Variants in CLASRP observed in about 807,000 individuals in gnomAD.
The protein encoded by CLASRP is CLK4 associating serine/arginine rich protein.
In CLASRP, 52 loss-of-function variants were observed where a neutral mutation model predicts 99.9. That is an observed-to-expected ratio of 0.52 (90% CI 0.42 to 0.66). The LOEUF (loss-of-function observed/expected upper bound fraction) is 0.66, where lower values mean the gene tolerates loss of function less well. Among genes scored for constraint, CLASRP ranks in the 30% least tolerant of loss-of-function variants. The pLI is 0.00. For missense variants in CLASRP, 848 were observed against 999.2 expected, an observed-to-expected ratio of 0.85 and a Z score of 2.04; for synonymous variants, 379 against 373.0, an observed-to-expected ratio of 1.02 and a Z score of -0.18.
At position 45,060,532 on chromosome 19, in the gene CLASRP, C is replaced by A; in HGVS notation, c.790-22C>A. The A allele has an allele frequency of 6.2e-7, 1 of 1,613,726 alleles. No individual in the cohort carries two copies. The highest frequency in any genetic ancestry group is 8.5e-7 in the Non-Finnish European group (1 of 1,179,744). On this transcript the variant is annotated intron_variant, in intron 9 of 20. Coordinates refer to ENST00000221455, the MANE Select transcript of CLASRP (RefSeq NM_007056.3). This position sits in a 1 kb window ranked among gnomAD's most constrained non-coding sequence, Gnocchi z 4.6. ...CACAGGGAGGGCACCCCCTCACCAACCTGGCACCCACCCTACTCCAGGGAC... is the reference window on the plus strand; with the variant it reads ...CACAGGGAGGGCACCCCCTCACCAAACTGGCACCCACCCTACTCCAGGGAC...
chr19:45,066,512 A>T (rs1967090147), intron 13 of CLASRP, among the ~76,000 whole-genome samples: 1 of 149,888 alleles, frequency 6.7e-6, no homozygotes, highest in Non-Finnish European at 1.5e-5. Context: ...AATCCCAGCT[A>T]TTCAGGAGGC....
intron 13 of CLASRP, among the ~76,000 whole-genome samples, chr19:45,066,905 C>T (rs1347596869): frequency 1.3e-5 from 2 of 152,056 alleles, no homozygotes; most frequent in Non-Finnish European, 2.9e-5. Flanking sequence ...GGGTGGTCCC[C>T]ACTATTGTCG....
At position 45,064,469 on chromosome 19, in the gene CLASRP, C is replaced by CTCCCGG; in HGVS notation, c.1254_1259dup (p.Arg420_Ser421dup). The CTCCCGG allele has an allele frequency of 6.5e-7, 1 of 1,532,482 alleles. No homozygotes were observed. 94.9% of individuals were successfully genotyped at this position (1,532,482 alleles called of 1,614,324 possible). A position where few individuals can be genotyped will look rare whatever the true frequency, so the allele number is the denominator to read the frequency against. On this transcript the variant is annotated inframe_insertion, in exon 13 of 21. Coordinates refer to ENST00000221455, the MANE Select transcript of CLASRP (RefSeq NM_007056.3). ...ACTACCGTTCCGGCCGCCACGCCCG[C>CTCCCGG]TCCCGGTCCCGCTCCTGGTCCCGCT... is the stretch of plus-strand genomic sequence containing the variant.
rs778088854 is a variant in CLASRP at position 45,070,521 on chromosome 19, GT to G, written c.1958-14del. ...CTGGATGTTTGCTCGCTCTTCACCT[GT>G]TGTTTTCTTTCCAGGTCGAGAATAC... On this transcript the variant is annotated splice_polypyrimidine_tract_variant and intron_variant, in intron 19 of 20. Transcript: ENST00000221455. 2 of 1,613,780 alleles carry G rather than the reference GT, an allele frequency of 1.2e-6. No homozygotes were observed. The highest frequency in any genetic ancestry group is 1.7e-6 in the Non-Finnish European group (2 of 1,179,666).
In CLASRP at chr19:45,064,633, G is replaced by GTGTGTGGC; in HGVS notation, c.1409+6_1409+13dup. 1 of 1,546,304 alleles carries GTGTGTGGC rather than the reference G, an allele frequency of 6.5e-7. No homozygotes were observed. Among genetic ancestry groups the GTGTGTGGC allele is most frequent in the Non-Finnish European group, 8.7e-7 (1 of 1,151,540 alleles). ...TACGGGCCCCGGCGCAGAAGCAGGT[G>GTGTGTGGC]TGTGTGGCTGGGCGTGGAGGTGGGA... On this transcript the variant is annotated splice_donor_region_variant and intron_variant, in intron 13 of 20. Transcript: ENST00000221455.
chr19:45,063,983 CT>C (rs776407411), intron 11 of CLASRP, 28 bp from the exon 12 acceptor site: 1 of 1,579,732 alleles, frequency 6.3e-7, no homozygotes, highest in East Asian at 2.3e-5. Flanking sequence ...GGAGCCTGAG[CT>C]AGTGAGCCTC....
intron 7 of CLASRP, among the ~76,000 whole-genome samples, chr19:45,058,570 G>C (rs1972165892): frequency 6.6e-6 from 1 of 152,050 alleles, no homozygotes; most frequent in Non-Finnish European, 1.5e-5. Context: ...ACTTTTAGTA[G>C]AGACGGGGGT....
Position 45,059,252 on chromosome 19 carries a change from C to T in CLASRP, c.614-16C>T. 1 of 1,603,574 alleles carries T rather than the reference C, an allele frequency of 6.2e-7. No homozygotes were observed. Among genetic ancestry groups the T allele is most frequent in the East Asian group, 2.2e-5 (1 of 44,650 alleles). ...TCGCTCGGCCGTGGCTCCTGACAGC[C>T]TTTCTCTTGGTGCAGACGTGGAGGT... On this transcript the variant is annotated splice_polypyrimidine_tract_variant and intron_variant, in intron 7 of 20. Transcript: ENST00000221455.
intron 3 of CLASRP, 132 bp downstream of exon 3, chr19:45,052,300 A>G: frequency 1.4e-6 from 1 of 708,558 alleles, no homozygotes; most frequent in Non-Finnish European, 2.4e-6. Flanking sequence ...GGAAGGTGTG[A>G]CCCGCATATG....
intron 2 of CLASRP, among the ~76,000 whole-genome samples, chr19:45,043,255 AC>A (rs1187472600): frequency 6.7e-6 from 1 of 149,592 alleles, no homozygotes; most frequent in Non-Finnish European, 1.5e-5. Flanking sequence ...TACTACAAAT[AC>A]AAAAAATTAG....
Position 45,060,723 on chromosome 19 carries a change from C to A in CLASRP, c.863+96C>A. 1.0e-6 allele frequency: 1 copy of A among 992,194 alleles called. No individual in the cohort carries two copies. The highest frequency in any genetic ancestry group is 1.5e-6 in the Non-Finnish European group (1 of 679,006). 61.5% of individuals were successfully genotyped at this position (992,194 alleles called of 1,614,324 possible). A position where few individuals can be genotyped will look rare whatever the true frequency, so the allele number is the denominator to read the frequency against. On this transcript the variant is annotated intron_variant, in intron 10 of 20. Transcript: ENST00000221455. This position sits in a 1 kb window ranked among gnomAD's most constrained non-coding sequence, Gnocchi z 4.6. ...AAGCTCTTTGGAGGCAGGCATTTGACTTGAGAAAGGAGTCTTTCTAGTGGG... is the reference window on the plus strand; with the variant it reads ...AAGCTCTTTGGAGGCAGGCATTTGAATTGAGAAAGGAGTCTTTCTAGTGGG...
At chr19:45,063,976 G>A (rs745836255) in intron 11 of CLASRP, 36 bp from the exon 12 acceptor site, 1 of 1,569,698 alleles carries the variant, frequency 6.4e-7, no homozygotes, top group Non-Finnish European at 8.6e-7. Context: ...GGCTCCGGGA[G>A]CCTGAGCTAG....
intron 2 of CLASRP, among the ~76,000 whole-genome samples, chr19:45,051,776 G>C (rs1467275453): frequency 6.6e-6 from 1 of 152,042 alleles, no homozygotes; most frequent in Non-Finnish European, 1.5e-5. Flanking sequence ...AGACCATCCT[G>C]GCTAACACAG....
chr19:45,047,411 C>CAAAAAAAAAAA (rs35621559), intron 2 of CLASRP: 5 of 84,414 alleles, frequency 5.9e-5, no homozygotes, highest in African/African-American at 2.6e-4. Flanking sequence ...GACTCCATCT[C>CAAAAAAAAAAA]AAAAAAAAAA....
At position 45,070,063 on chromosome 19, in the gene CLASRP, G is replaced by A. The variant is rs766582137; in HGVS notation, c.1916G>A (p.Arg639His). Reference protein sequence around the residue: ...RREKEREEWERQYSRQSRSPS... With the variant: ...RREKEREEWEHQYSRQSRSPS... ...GAGAAGGAGAGAGAAGAGTGGGAAC[G>A]CCAGTACAGCCGGCAGAGCCGCTCA... Residue 639 changes from arginine to histidine, a missense_variant, in exon 19 of 21, where the codon CGC becomes CAC. Transcript: ENST00000221455. 1.2e-6 allele frequency: 2 copies of A among 1,609,756 alleles called. No homozygotes were observed. Among genetic ancestry groups the A allele is most frequent in the South Asian group, 2.2e-5 (2 of 91,004 alleles).
rs1468075315 is a variant in CLASRP, at chr19:45,064,090, C to T, written c.984C>T (p.Phe328=). Residue 328 remains phenylalanine, a synonymous_variant, in exon 12 of 21, where the codon TTC becomes TTT. Transcript: ENST00000221455. The part of the protein sequence containing the change: ...PTPGREEKIT[F]ITSFGGSDEE... ...CGGGCCGCGAGGAGAAGATCACGTTCATCACCAGTTTTGGGGGCAGCGATG... is the reference window on the plus strand; with the variant it reads ...CGGGCCGCGAGGAGAAGATCACGTTTATCACCAGTTTTGGGGGCAGCGATG... 1 of 1,611,768 alleles carries T rather than the reference C, an allele frequency of 6.2e-7. No homozygotes were observed. Among genetic ancestry groups the T allele is most frequent in the Non-Finnish European group, 8.5e-7 (1 of 1,179,598 alleles).
chr19:45,050,529 A>G (rs1972003911), intron 2 of CLASRP, among the ~76,000 whole-genome samples: 1 of 152,010 alleles, frequency 6.6e-6, no homozygotes. Context: ...TACTAAAAAT[A>G]CAAAATTAGC....
intron 2 of CLASRP, among the ~76,000 whole-genome samples, chr19:45,045,682 A>T (rs963980777): frequency 1.3e-5 from 2 of 152,034 alleles, no homozygotes; most frequent in African/African-American, 4.8e-5. Flanking sequence ...TAGCAAAGGG[A>T]ATAGATGTTG....
rs551422981 is a variant in CLASRP, at chr19:45,042,880, G to C, written c.99+2569G>C. 3.4e-3 allele frequency among the ~76,000 whole-genome samples: 516 copies of C among 152,246 alleles called. 4 individuals are homozygous for C. Among genetic ancestry groups the C allele is most frequent in the Middle Eastern group, 0.027 (8 of 294 alleles). ...GATTTGCTTGCCTCGGCCTCCCAAAGTGCTGGGATTACAGGCGTGAGCCAC... is the reference window on the plus strand; with the variant it reads ...GATTTGCTTGCCTCGGCCTCCCAAACTGCTGGGATTACAGGCGTGAGCCAC... On this transcript the variant is annotated intron_variant, in intron 2 of 20. Transcript: ENST00000221455.
Sources: allele counts gnomAD v4.1 joint callset (sites outside exome capture counted in the v4.1 genomes callset), GRCh38; gene constraint gnomAD v4.1.1; non-coding constraint Gnocchi (gnomAD v3.1); transcripts MANE v1.5; gene names NCBI Gene and HGNC (gene_info 2026-07-23, HGNC 2026-07-21).